Variants in ASPM observed in about 807,000 individuals in gnomAD.
ASPM encodes the protein assembly factor for spindle microtubules, also known as abnormal spindle-like microcephaly-associated protein.
A neutral mutation model predicts 366.4 loss-of-function variants in ASPM; 256 were observed. The observed-to-expected ratio is 0.70, with a 90% CI of 0.63 to 0.77. The LOEUF (loss-of-function observed/expected upper bound fraction) is 0.77, where lower values mean the gene tolerates loss of function less well. ASPM is among the 30% of genes least tolerant of loss of function. The pLI is 0.00. For missense variants in ASPM, 4,146 were observed against 4,090.4 expected (o/e 1.01, Z -0.37); for synonymous variants, 1,414 against 1,342.9 (o/e 1.05, Z -1.16).
In ASPM at chr1:197,121,759, C is replaced by T. The variant is rs552490323; in HGVS notation, c.3870+156G>A. 2.0e-5 allele frequency among the ~76,000 whole-genome samples: 3 copies of T among 152,240 alleles called. No individual in the cohort carries two copies. The South Asian group carries it at 6.2e-4, about 32-fold the overall frequency. ...GAATATTAGCAATTAGGGAGAAATA[C>T]TCATACCTCCCCAACCCAAAATACA... On this transcript the variant is annotated intron_variant, in intron 16 of 27. Transcript: ENST00000367409.
chr1:197,113,067 T>C (rs1055019673), intron 17 of ASPM, among the ~76,000 whole-genome samples: 4 of 152,136 alleles, frequency 2.6e-5, no homozygotes, highest in Non-Finnish European at 5.9e-5. Context: ...TTTGCAGTAA[T>C]GTGCATTTAG....
chr1:197,103,719 A>G lies in ASPM; in HGVS notation c.5532T>C (p.Tyr1844=), dbSNP rs797045314. The G allele has an allele frequency of 6.2e-7, 1 of 1,612,908 alleles. No homozygotes were observed. Among genetic ancestry groups the G allele is most frequent in the Non-Finnish European group, 8.5e-7 (1 of 1,179,384 alleles). Residue 1844 remains tyrosine, a synonymous_variant, in exon 18 of 28, where the codon TAT becomes TAC. Transcript: ENST00000367409. The part of the protein sequence containing the change: ...AFRGYNKRVK[Y]QSVLQSIIKI... ...TTATTATAGATTGAAGCACAGATTG[A>G]TATTTTACCCTTTTATTATAGCCTC... is the stretch of plus-strand genomic sequence containing the variant.
In ASPM at chr1:197,143,673, T is replaced by G. The variant is rs112177879; in HGVS notation, c.579A>C (p.Gln193His). Residue 193 changes from glutamine to histidine, a missense_variant, in exon 3 of 28, where the codon CAA becomes CAC. Gln to His is a conservative substitution (Grantham distance 24). Coordinates refer to ENST00000367409, the MANE Select transcript of ASPM (RefSeq NM_018136.5). ...CATTCATAGCCAAGTTTTCACAAGC[T>G]TGTAGTGGGCTCCTAACTCTGTCAA... ...QKVDRVRSPL[Q>H]ACENLAMNEG... 1 of 1,613,756 alleles carries G rather than the reference T, an allele frequency of 6.2e-7. No homozygotes were observed. The highest frequency in any genetic ancestry group is 8.5e-7 in the Non-Finnish European group (1 of 1,179,926).
chr1:197,109,178 T>C (rs902281459), intron 17 of ASPM, among the ~76,000 whole-genome samples: 2 of 126,654 alleles, frequency 1.6e-5, no homozygotes, highest in African/African-American at 2.6e-5. Context: ...TGGTGAGTTG[T>C]ATAAAATAAT....
Position 197,101,587 on chromosome 1 carries a change from T to G in ASPM, c.7664A>C (p.Lys2555Thr). ...GGTGCTTTGTATTACGATAGAAGCT[T>G]TGTGTTTTTCCCTTAAAAGTTGTCT... ...KARQLLREKH[K>T]ASIVIQSTYR... Residue 2555 changes from lysine to threonine, a missense_variant, in exon 18 of 28, where the codon AAA becomes ACA. Transcript: ENST00000367409. 1 of 1,609,996 alleles carries G rather than the reference T, an allele frequency of 6.2e-7. No homozygotes were observed. The highest frequency in any genetic ancestry group is 1.7e-5 in the Admixed American group (1 of 59,736).
At chr1:197,129,163 T>C in intron 9 of ASPM, 24 bp downstream of exon 9, 2 of 1,605,662 alleles carry the variant, frequency 1.2e-6, no homozygotes, top group Non-Finnish European at 1.7e-6. Context: ...ATATAAAATA[T>C]AAAGCATACA....
In ASPM at chr1:197,143,235, T is replaced by C. The variant is rs762856526; in HGVS notation, c.1017A>G (p.Ser339=). 1 of 1,612,636 alleles carries C rather than the reference T, an allele frequency of 6.2e-7. No individual in the cohort carries two copies. Among genetic ancestry groups the C allele is most frequent in the Non-Finnish European group, 8.5e-7 (1 of 1,178,852 alleles). ...NNELELVTCL[S]SDMFMKDNSQ... The stretch of plus-strand genomic sequence containing the variant: ...AATTATCTTTCATAAACATATCTGA[T>C]GAAAGACATGTTACTAATTCTAGTT... The change falls in exon 3 of 28, where the codon TCA becomes TCG. Residue 339 remains serine, a synonymous_variant. Transcript: ENST00000367409.
chr1:197,102,772 C>A lies in ASPM; in HGVS notation c.6479G>T (p.Arg2160Leu). The A allele has an allele frequency of 6.2e-7, 1 of 1,612,514 alleles. No homozygotes were observed. The highest frequency in any genetic ancestry group is 8.5e-7 in the Non-Finnish European group (1 of 1,179,204). ...TTTCAAAATTGTCAGGTACTTTTCA[C>A]GCTGCATTTTACCTTGATAATATGC... ...CRAYYQGKMQ[R>L]EKYLTILKAV... The change falls in exon 18 of 28, where the codon CGT (arginine) becomes CTT (leucine). Residue 2160 changes from arginine (R) to leucine (L), a missense_variant. By Grantham distance (102) the Arg-to-Leu change is moderately radical (BLOSUM62 -2). Around this residue, in one of 3 missense-constraint regions of ASPM, gnomAD observed 3,624 missense variants for 3,591.7 expected, o/e 1.01. Coordinates refer to ENST00000367409, the MANE Select transcript of ASPM (RefSeq NM_018136.5).
In ASPM at chr1:197,143,651, T is replaced by C. The variant is rs370907931; in HGVS notation, c.601A>G (p.Asn201Asp). Residue 201 changes from asparagine to aspartate, a missense_variant, in exon 3 of 28, where the codon AAT (asparagine) becomes GAT (aspartate). Physicochemically the swap from Asn to Asp is conservative, Grantham distance 23. This residue lies in a region of ASPM where 512 missense variants were observed against 471.7 expected (regional missense o/e 1.09). Coordinates refer to ENST00000367409, the MANE Select transcript of ASPM (RefSeq NM_018136.5). ...PLQACENLAM[N>D]EGGPPTENNS... is the part of the protein sequence containing the mutation. ...TTTTCTGTTGGGGGACCGCCTTCAT[T>C]CATAGCCAAGTTTTCACAAGCTTGT... The C allele has an allele frequency of 6.4e-5, 104 of 1,613,478 alleles. No homozygotes were observed. The highest frequency in any genetic ancestry group is 8.2e-5 in the Non-Finnish European group (97 of 1,179,934).
At chr1:197,135,431 T>A (rs1350207734) in intron 4 of ASPM, among the ~76,000 whole-genome samples, 189 bp from the exon 5 acceptor site, 1 of 152,160 alleles carries the variant, frequency 6.6e-6, no homozygotes, top group African/African-American at 2.4e-5. Context: ...TGGGGAAAAG[T>A]AAAGCGATAT....
intron 7 of ASPM, among the ~76,000 whole-genome samples, chr1:197,131,577 G>T (rs1391881591): frequency 6.8e-6 from 1 of 146,024 alleles, no homozygotes; most frequent in African/African-American, 2.5e-5. Context: ...TTTTGAGAAG[G>T]AGTCTCGCTC....
Position 197,121,922 on chromosome 1 carries a change from C to T in ASPM, c.3863G>A (p.Arg1288His), listed in dbSNP as rs1227283442. 6 of 1,608,118 alleles carry T rather than the reference C, an allele frequency of 3.7e-6. No individual in the cohort carries two copies. The highest frequency in any genetic ancestry group is 3.4e-6 in the Non-Finnish European group (4 of 1,175,320). The change falls in exon 16 of 28, where the codon CGC becomes CAC. Residue 1288 changes from arginine (R) to histidine (H), a missense_variant. Coordinates refer to ENST00000367409, the MANE Select transcript of ASPM (RefSeq NM_018136.5). Reference sequence around the variant, plus strand: ...TTCATATTCTAGGAGTACCTGATGGCGTTTGAGATCTGTTTTTAGTTTATA... The same window carrying T: ...TTCATATTCTAGGAGTACCTGATGGTGTTTGAGATCTGTTTTTAGTTTATA... ...RKYKLKTDLK[R>H]HQEREKAARI... is the part of the protein sequence containing the mutation.
In ASPM at chr1:197,142,427, GCT is replaced by G. The variant is rs779765020; in HGVS notation, c.1823_1824del (p.Glu608AlafsTer2). On this transcript the variant is annotated frameshift_variant, in exon 3 of 28. Transcript: ENST00000367409. LOFTEE classifies it high-confidence loss of function. ...EIKRIHFSPSEPKTSAVKKTK... is the reference protein window; with the variant it reads ...EIKRIHFSPSXPKTSAVKKTK... ...GTTTTCTTAACAGCTGATGTTTTAG[GCT>G]CTGAGGGAGAAAAATGGATTCTTTT... is the stretch of plus-strand genomic sequence containing the variant. 5.0e-6 allele frequency: 8 copies of G among 1,613,786 alleles called. No individual in the cohort carries two copies. The highest frequency in any genetic ancestry group is 1.3e-5 in the African/African-American group (1 of 74,898).
At chr1:197,134,853 T>C (rs1055163661) in intron 5 of ASPM, among the ~76,000 whole-genome samples, 10 of 152,360 alleles carry the variant, frequency 6.6e-5, no homozygotes, top group Non-Finnish European at 1.5e-4. Context: ...ACGGGACTGA[T>C]TGCATTGACT....
intron 17 of ASPM, among the ~76,000 whole-genome samples, chr1:197,111,239 CA>C (rs1174169257): frequency 2.6e-5 from 4 of 151,746 alleles, no homozygotes; most frequent in Non-Finnish European, 4.4e-5. Context: ...ATTCAAAAAA[CA>C]AAAAACAAAT....
chr1:197,140,215 T>TA (rs1377025182), intron 3 of ASPM, among the ~76,000 whole-genome samples: 5 of 152,148 alleles, frequency 3.3e-5, no homozygotes, highest in East Asian at 1.9e-4. Flanking sequence ...CTCAGTCTGG[T>TA]AAAAAAAGAA....
rs202193200 is a variant in ASPM, at chr1:197,101,023, C to T, written c.8228G>A (p.Arg2743Gln). 154 of 1,612,122 alleles carry T rather than the reference C, an allele frequency of 9.6e-5. 3 individuals carry two copies. The East Asian group carries it at 2.1e-3, about 22-fold the overall frequency. The change falls in exon 18 of 28, where the codon CGA becomes CAA. Residue 2743 changes from arginine to glutamine, a missense_variant. Physicochemically the swap from Arg to Gln is conservative, Grantham distance 43. Around this residue, in one of 3 missense-constraint regions of ASPM, gnomAD observed 3,624 missense variants for 3,591.7 expected, o/e 1.01. Coordinates refer to ENST00000367409, the MANE Select transcript of ASPM (RefSeq NM_018136.5). ...GCCTCTAAAAGCAGCCTGAATAGTTCGTACAGATTTCTGAACTGCTAAAAA... is the reference window on the plus strand; with the variant it reads ...GCCTCTAAAAGCAGCCTGAATAGTTTGTACAGATTTCTGAACTGCTAAAAA... The part of the protein sequence containing the change: ...KNFLAVQKSV[R>Q]TIQAAFRGMK...
intron 1 of ASPM, among the ~76,000 whole-genome samples, chr1:197,144,569 T>C (rs1248817840): frequency 6.6e-6 from 1 of 152,200 alleles, no homozygotes; most frequent in Non-Finnish European, 1.5e-5. Context: ...ACAGGTATTA[T>C]TGTTCCAGGC....
At chr1:197,132,107 C>T (rs1421616574) in intron 7 of ASPM, among the ~76,000 whole-genome samples, 178 bp downstream of exon 7, 1 of 152,060 alleles carries the variant, frequency 6.6e-6, no homozygotes, top group Admixed American at 6.5e-5. Context: ...ATGGCATAGT[C>T]TATTTACCTA....
Sources: allele counts gnomAD v4.1 joint callset (sites outside exome capture counted in the v4.1 genomes callset), GRCh38; gene constraint gnomAD v4.1.1; regional missense constraint gnomAD v4.1.1; transcripts MANE v1.5; gene names NCBI Gene and HGNC (gene_info 2026-07-23, HGNC 2026-07-21).